Variants in CEP192 observed in about 807,000 individuals in gnomAD.
CEP192 encodes the protein centrosomal protein 192.
A neutral mutation model predicts 271.8 loss-of-function variants in CEP192; 151 were observed. That is an observed-to-expected ratio of 0.56 (90% CI 0.49 to 0.64). CEP192 has a LOEUF of 0.64. CEP192 is among the 30% of genes least tolerant of loss of function. The probability of loss-of-function intolerance (pLI) is 0.00; values close to 1 mark genes in which losing one functional copy is unlikely to be tolerated. For missense variants in CEP192, 2,910 were observed against 3,020.5 expected (o/e 0.96, Z 0.86); for synonymous variants, 995 against 1,076.5 (o/e 0.92, Z 1.48).
chr18:13,089,744 T>C (rs1338849125), intron 33 of CEP192, among the ~76,000 whole-genome samples, 179 bp downstream of exon 33: 2 of 152,212 alleles, frequency 1.3e-5, no homozygotes, highest in East Asian at 3.8e-4. Context: ...TCAGTTTCCT[T>C]ATCTTGTAAA....
intron 40 of CEP192, among the ~76,000 whole-genome samples, chr18:13,106,588 C>T (rs1598620748): frequency 6.6e-6 from 1 of 151,616 alleles, no homozygotes; most frequent in South Asian, 2.1e-4. Context: ...ACACAGCTAC[C>T]ACCACCACCA....
chr18:13,036,782 C>T (rs9961157), intron 11 of CEP192, among the ~76,000 whole-genome samples: 5,925 of 152,274 alleles, frequency 0.039, 359 homozygotes, highest in African/African-American at 0.13. Flanking sequence ...TTAGGGGACT[C>T]CCAGTCTTTG....
At chr18:12,993,571 C>T (rs1408331960) in intron 1 of CEP192, among the ~76,000 whole-genome samples, 1 of 152,198 alleles carries the variant, frequency 6.6e-6, no homozygotes. Context: ...CAGCCTCAAA[C>T]TTTTGGGCTC....
At chr18:13,091,662 T>C (rs518145) in intron 33 of CEP192, among the ~76,000 whole-genome samples, 107,353 of 152,060 alleles carry the variant, frequency 0.71, 39,008 homozygotes, top group African/African-American at 0.88. Flanking sequence ...TTATAGTTAC[T>C]GTGTTCTTTT....
At chr18:13,033,265 C>A (rs1290549371) in intron 11 of CEP192, among the ~76,000 whole-genome samples, 2 of 152,050 alleles carry the variant, frequency 1.3e-5, no homozygotes, top group African/African-American at 4.8e-5. Flanking sequence ...GACCAACTAC[C>A]CCAAAATTGG....
rs149531707 is a variant in CEP192 at position 13,092,382 on chromosome 18, G to T, written c.6109G>T (p.Asp2037Tyr). The T allele has an allele frequency of 9.8e-5, 156 of 1,588,086 alleles. No individual in the cohort carries two copies. The highest frequency in any genetic ancestry group is 1.1e-4 in the Non-Finnish European group (132 of 1,163,862). ...AACATTATTTTCTATTTCAGTATAT[G>T]ATCTTCCCCAACGACCTAATGATGT... ...QDELLVTEVY[D>Y]LPQRPNDVQL... Residue 2037 changes from aspartate to tyrosine, a missense_variant, in exon 34 of 45, where the codon GAT becomes TAT. Coordinates refer to ENST00000506447, the MANE Select transcript of CEP192 (RefSeq NM_032142.4).
At chr18:13,116,293 A>T in intron 42 of CEP192, 84 bp from the exon 43 acceptor site, 2 of 1,247,522 alleles carry the variant, frequency 1.6e-6, no homozygotes, top group South Asian at 2.7e-5. Flanking sequence ...AATTAATGCA[A>T]TACTACATAA....
chr18:13,003,308 G>C (rs1451611959), intron 3 of CEP192, among the ~76,000 whole-genome samples: 1 of 152,016 alleles, frequency 6.6e-6, no homozygotes. Context: ...AATTAGCCAA[G>C]CATAATGGCA....
In CEP192 at chr18:13,057,572, T is replaced by C. The variant is rs2037179528; in HGVS notation, c.4109-13T>C. On this transcript the variant is annotated splice_polypyrimidine_tract_variant and intron_variant, in intron 19 of 44. Coordinates refer to ENST00000506447, the MANE Select transcript of CEP192 (RefSeq NM_032142.4). The stretch of plus-strand genomic sequence containing the variant: ...GTAACTTGCATTTTTGACTGTGCCT[T>C]ATTCTCACCCAGGGAGTGTCCGAGT... 6.2e-7 allele frequency: 1 copy of C among 1,612,228 alleles called. No homozygotes were observed. The highest frequency in any genetic ancestry group is 8.5e-7 in the Non-Finnish European group (1 of 1,179,084).
intron 30 of CEP192, among the ~76,000 whole-genome samples, chr18:13,083,545 T>C (rs2144645171): frequency 6.6e-6 from 1 of 152,358 alleles, no homozygotes; most frequent in Non-Finnish European, 1.5e-5. Flanking sequence ...TTAGCTTCCT[T>C]GCGATGGGTT....
chr18:13,059,287 C>G lies in CEP192; in HGVS notation c.4463C>G (p.Ala1488Gly), dbSNP rs1037117095. ...TTGGCCAGCACCGTCACTCTCACTG[C>G]CATTGCCGAGAGTCCTGTTATTGAG... ...EALASTVTLT[A>G]IAESPVIEVE... Residue 1488 changes from alanine to glycine, a missense_variant, in exon 21 of 45, where the codon GCC becomes GGC. By Grantham distance (60) the Ala-to-Gly change is moderately conservative. Transcript: ENST00000506447. 2 of 1,613,608 alleles carry G rather than the reference C, an allele frequency of 1.2e-6. No individual in the cohort carries two copies. The highest frequency in any genetic ancestry group is 1.7e-5 in the Admixed American group (1 of 59,998).
At chr18:13,042,508 A>G (rs1012645367) in intron 15 of CEP192, among the ~76,000 whole-genome samples, 174 bp downstream of exon 15, 3 of 152,222 alleles carry the variant, frequency 2.0e-5, no homozygotes, top group African/African-American at 7.2e-5. Context: ...GTGGCGATAT[A>G]ATATACACAC....
chr18:13,030,438 T>G, intron 10 of CEP192, 27 bp from the exon 11 acceptor site: 1 of 1,520,258 alleles, frequency 6.6e-7, no homozygotes, highest in Non-Finnish European at 8.8e-7. Context: ...ATGTGTCATT[T>G]GATATTTTGG....
rs545740251 is a variant in CEP192, at chr18:13,056,821, T to G, written c.4108+123T>G. 938 of 839,782 alleles carry G rather than the reference T, an allele frequency of 1.1e-3. 7 individuals are homozygous for G. Among genetic ancestry groups the G allele is most frequent in the Middle Eastern group, 2.1e-3 (8 of 3,778 alleles). 52.0% of individuals were successfully genotyped at this position (839,782 alleles called of 1,614,324 possible). A position where few individuals can be genotyped will look rare whatever the true frequency, so the allele number is the denominator to read the frequency against. On this transcript the variant is annotated intron_variant, in intron 19 of 44. Transcript: ENST00000506447. Reference sequence around the variant, plus strand: ...TCCTTGTAAGTTTTGTGCTTCTTCCTAAACTGAGAACACCGTGTATTTCTG... The same window carrying G: ...TCCTTGTAAGTTTTGTGCTTCTTCCGAAACTGAGAACACCGTGTATTTCTG...
intron 15 of CEP192, among the ~76,000 whole-genome samples, chr18:13,043,851 GA>G (rs1271345005): frequency 1.3e-5 from 2 of 152,038 alleles, no homozygotes; most frequent in East Asian, 3.9e-4. Context: ...CTAAGTTGTT[GA>G]AACTTTTATT....
At chr18:13,073,286 A>G in intron 30 of CEP192, 101 bp downstream of exon 30, 1 of 1,054,424 alleles carries the variant, frequency 9.5e-7, no homozygotes, top group East Asian at 2.4e-5. Flanking sequence ...TTATAAGTGA[A>G]ACTATGTAAT....
At chr18:13,117,070 A>G (rs1455147537) in intron 43 of CEP192, among the ~76,000 whole-genome samples, 1 of 151,802 alleles carries the variant, frequency 6.6e-6, no homozygotes, top group African/African-American at 2.4e-5. Flanking sequence ...AAAAAAAAAA[A>G]AAAATTAACC....
chr18:13,111,214 T>TC (rs2040193948), intron 40 of CEP192, among the ~76,000 whole-genome samples: 1 of 152,222 alleles, frequency 6.6e-6, no homozygotes, highest in Admixed American at 6.5e-5. Context: ...AACCTCTGCC[T>TC]CCTGGGTTCA....
At position 13,049,449 on chromosome 18, in the gene CEP192, C is replaced by T. The variant is rs761086506; in HGVS notation, c.2658C>T (p.Asn886=). 1 of 1,614,068 alleles carries T rather than the reference C, an allele frequency of 6.2e-7. No homozygotes were observed. The highest frequency in any genetic ancestry group is 8.5e-7 in the Non-Finnish European group (1 of 1,180,002). ...VVDVKTCSID[N]KLQDVGNDEK... ...ATGTGAAGACATGTTCCATTGACAA[C>T]AAATTACAAGATGTTGGTAACGATG... Residue 886 remains asparagine, a synonymous_variant, in exon 16 of 45, where the codon AAC becomes AAT. Transcript: ENST00000506447.
Sources: gnomAD v4.1 joint callset for allele counts (sites outside exome capture counted in the v4.1 genomes callset) on GRCh38, gnomAD v4.1.1 for gene constraint, MANE v1.5 for transcripts, NCBI Gene and HGNC (gene_info 2026-07-23, HGNC 2026-07-21) for gene names.